ABCA9: variants seen among roughly 807,000 people sequenced by gnomAD.
ABCA9 encodes the protein ATP-binding cassette sub-family A member 9.
ABCA9 carries 183 observed loss-of-function variants against 205.3 expected under a neutral mutation model. That is an observed-to-expected ratio of 0.89 (90% CI 0.79 to 1.01). The LOEUF (loss-of-function observed/expected upper bound fraction) is 1.01. Ranked by LOEUF, ABCA9 falls within the 50% of genes least tolerant of loss-of-function variation. The probability of loss-of-function intolerance (pLI) is 0.00; values close to 1 mark genes in which losing one functional copy is unlikely to be tolerated. For missense variants in ABCA9, 1,805 were observed against 1,912.4 expected (o/e 0.94, Z 1.05); for synonymous variants, 651 against 683.3 (o/e 0.95, Z 0.74).
At chr17:69,058,853 C>A (rs911227290) in intron 1 of ABCA9, among the ~76,000 whole-genome samples, 2 of 148,740 alleles carry the variant, frequency 1.3e-5, no homozygotes, top group African/African-American at 4.9e-5. Flanking sequence ...AAAAAAAAGA[C>A]ATACCTGAGA....
Position 69,035,284 on chromosome 17 carries a change from G to T in ABCA9, c.1090C>A (p.Leu364Ile), listed in dbSNP as rs1270559214. 10 of 1,602,752 alleles carry T rather than the reference G, an allele frequency of 6.2e-6. No individual in the cohort carries two copies. Among genetic ancestry groups the T allele is most frequent in the Non-Finnish European group, 8.5e-6 (10 of 1,174,988 alleles). Residue 364 changes from leucine (L) to isoleucine (I), a missense_variant, in exon 8 of 39, where the codon CTT (leucine) becomes ATT (isoleucine). Coordinates refer to ENST00000340001, the MANE Select transcript of ABCA9 (RefSeq NM_080283.4). ...LPAFLEWTLC[L>I]LSPFAFTVGM... ...ACAGTGAAGGCAAAGGGGCTAAGAA[G>T]ACACAAAGTCCATTCCAAAAATGCA...
At chr17:69,016,883 T>C (rs1311884289) in intron 21 of ABCA9, among the ~76,000 whole-genome samples, 2 of 152,106 alleles carry the variant, frequency 1.3e-5, no homozygotes, top group Non-Finnish European at 2.9e-5. Flanking sequence ...ATGTGATTAT[T>C]TTTCCCTCAG....
intron 37 of ABCA9, among the ~76,000 whole-genome samples, chr17:68,976,600 A>C (rs2068899067): frequency 6.6e-6 from 1 of 152,202 alleles, no homozygotes; most frequent in Non-Finnish European, 1.5e-5. Context: ...GGGAGACAGG[A>C]GGTCAAGGCA....
At chr17:69,027,600 T>C (rs1430985105) in intron 13 of ABCA9, 40 bp downstream of exon 13, 2 of 1,592,316 alleles carry the variant, frequency 1.3e-6, no homozygotes, top group Non-Finnish European at 1.7e-6. Context: ...ATAAACCGTC[T>C]CTTTTTTATG....
chr17:69,061,564 G>C (rs963815233), upstream of ABCA9, among the ~76,000 whole-genome samples: 6 of 152,154 alleles, frequency 3.9e-5, no homozygotes, highest in African/African-American at 1.4e-4. Flanking sequence ...GAAGCGAGCA[G>C]AATCTTTAGA....
chr17:69,042,409 CA>C (rs2144444958), intron 6 of ABCA9: 1 of 152,274 alleles, frequency 6.6e-6, no homozygotes, highest in East Asian at 1.9e-4. Context: ...GAGATGGAGA[CA>C]ACCCGTGGCT....
At position 68,996,119 on chromosome 17, in the gene ABCA9, T is replaced by C. The variant is rs1598346042; in HGVS notation, c.3436-105A>G. The stretch of plus-strand genomic sequence containing the variant: ...ATTTATAAACGTTGTTATTTTCAAT[T>C]TCACTCCCCAAACCAGTATTTATAT... On this transcript the variant is annotated intron_variant, in intron 25 of 38. Transcript: ENST00000340001. The C allele has an allele frequency of 1.6e-5, 19 of 1,217,948 alleles. No individual in the cohort carries two copies. The East Asian group carries it at 4.6e-4, about 29-fold the overall frequency. 75.4% of individuals were successfully genotyped at this position (1,217,948 alleles called of 1,614,324 possible).
At chr17:69,024,434 T>A in intron 16 of ABCA9, 81 bp from the exon 17 acceptor site, 1 of 1,324,472 alleles carries the variant, frequency 7.6e-7, no homozygotes, top group Non-Finnish European at 1.0e-6. Context: ...TATGTGCTTG[T>A]CACTTTATTA....
rs1005514426 is a variant in ABCA9, at chr17:69,023,660, A to T, written c.2281+554T>A. Among the ~76,000 whole-genome samples the T allele has an allele frequency of 6.6e-6, 1 of 152,236 alleles. No individual in the cohort carries two copies. The highest frequency in any genetic ancestry group is 2.4e-5 in the African/African-American group (1 of 41,476). On this transcript the variant is annotated intron_variant, in intron 17 of 38. Transcript: ENST00000340001. The surrounding 1 kb of genome is among the most constrained non-coding windows in gnomAD (Gnocchi z 4.2). ...AAACGCTTAGGAAGTGAAACAGTGC[A>T]TTGGGAGATACCATAGAAAAGTAAT...
In ABCA9 at chr17:69,023,725, G is replaced by T. The variant is rs1423007439; in HGVS notation, c.2281+489C>A. Among the ~76,000 whole-genome samples, 3 of 152,164 alleles carry T rather than the reference G, an allele frequency of 2.0e-5. No individual in the cohort carries two copies. The highest frequency in any genetic ancestry group is 4.4e-5 in the Non-Finnish European group (3 of 68,018). ...TCCAAGCTTCTGTGTTTGCAGCAAA[G>T]TTGTACATTGAAGTGTTTGGCAGAA... On this transcript the variant is annotated intron_variant, in intron 17 of 38. Transcript: ENST00000340001. This position sits in a 1 kb window ranked among gnomAD's most constrained non-coding sequence, Gnocchi z 4.2.
At position 68,989,040 on chromosome 17, in the gene ABCA9, G is replaced by T. The variant is rs1416820934; in HGVS notation, c.4034C>A (p.Pro1345Gln). ...CGTTTTACTGACCTGTCCTGCAGTTGGTTTTGTGTCTCCAGTTATCATCTT... is the reference window on the plus strand; with the variant it reads ...CGTTTTACTGACCTGTCCTGCAGTTTGTTTTGTGTCTCCAGTTATCATCTT... ...TIKMITGDTKPTAGQVILKGS... is the reference protein window; with the variant it reads ...TIKMITGDTKQTAGQVILKGS... Residue 1345 changes from proline (P) to glutamine (Q), a missense_variant, in exon 31 of 39, where the codon CCA becomes CAA. Pro to Gln is a moderately conservative substitution (Grantham distance 76, BLOSUM62 -1). Transcript: ENST00000340001. 3.7e-6 allele frequency: 6 copies of T among 1,609,130 alleles called. No individual in the cohort carries two copies. The highest frequency in any genetic ancestry group is 1.1e-5 in the South Asian group (1 of 90,900).
At chr17:69,006,649 G>A (rs2070142515) in intron 25 of ABCA9, among the ~76,000 whole-genome samples, 1 of 152,138 alleles carries the variant, frequency 6.6e-6, no homozygotes, top group South Asian at 2.1e-4. Flanking sequence ...AATTGGAAAT[G>A]GGATGGAAGG....
chr17:69,033,829 A>G lies in ABCA9; in HGVS notation c.1173T>C (p.Asp391=). The change falls in exon 9 of 39, where the codon GAT becomes GAC. Residue 391 remains aspartate (D), a synonymous_variant. Coordinates refer to ENST00000340001, the MANE Select transcript of ABCA9 (RefSeq NM_080283.4). ...DYDVNSNAHL[D]SSQNPYLIIA... is the part of the protein sequence containing the mutation. ...TTATGAGGTATGGATTTTGTGAAGAATCCAAGTGGGCATTAGAATTCACAT... is the reference window on the plus strand; with the variant it reads ...TTATGAGGTATGGATTTTGTGAAGAGTCCAAGTGGGCATTAGAATTCACAT... 6.2e-7 allele frequency: 1 copy of G among 1,608,524 alleles called. No individual in the cohort carries two copies. The highest frequency in any genetic ancestry group is 8.5e-7 in the Non-Finnish European group (1 of 1,175,778).
chr17:69,019,405 A>ACTC (rs2070741347), intron 19 of ABCA9, among the ~76,000 whole-genome samples: 1 of 152,056 alleles, frequency 6.6e-6, no homozygotes, highest in Non-Finnish European at 1.5e-5. Flanking sequence ...GTTGCAATTA[A>ACTC]CTCAGATTAA....
chr17:69,035,164 T>C, intron 8 of ABCA9, 82 bp downstream of exon 8: 1 of 1,189,708 alleles, frequency 8.4e-7, no homozygotes, highest in South Asian at 2.6e-5. Context: ...AATGGAATGC[T>C]TAGAGCATGT....
chr17:69,011,435 C>G (rs2070367847), intron 23 of ABCA9, among the ~76,000 whole-genome samples: 1 of 152,170 alleles, frequency 6.6e-6, no homozygotes, highest in Admixed American at 6.5e-5. Context: ...AAAATTAAGT[C>G]AAGCCCTTCA....
intron 29 of ABCA9, among the ~76,000 whole-genome samples, 172 bp downstream of exon 29, chr17:68,990,665 T>C (rs569976697): frequency 6.6e-6 from 1 of 152,338 alleles, no homozygotes; most frequent in African/African-American, 2.4e-5. Flanking sequence ...TGTGTGTGTT[T>C]TCTTTGCTCT....
At chr17:69,040,957 GAGTT>G (rs1255432563) in intron 6 of ABCA9, among the ~76,000 whole-genome samples, 1 of 150,474 alleles carries the variant, frequency 6.6e-6, no homozygotes, top group Non-Finnish European at 1.5e-5. Flanking sequence ...TCACAGATCT[GAGTT>G]AGTTCCAGTT....
At chr17:68,985,236 C>A in intron 32 of ABCA9, 108 bp from the exon 33 acceptor site, 1 of 1,426,214 alleles carries the variant, frequency 7.0e-7, no homozygotes, top group South Asian at 1.2e-5. Flanking sequence ...TATGAGTGGT[C>A]AGAGTGGTCA....
Sources: allele counts gnomAD v4.1 joint callset (sites outside exome capture counted in the v4.1 genomes callset), GRCh38; gene constraint gnomAD v4.1.1; non-coding constraint Gnocchi (gnomAD v3.1); transcripts MANE v1.5; gene names NCBI Gene and HGNC (gene_info 2026-07-23, HGNC 2026-07-21).